Variants in PCBP3 observed in about 807,000 individuals in gnomAD.
The protein encoded by PCBP3 is poly(rC) binding protein 3, also known as poly(rC)-binding protein 3.
PCBP3 carries 25 observed loss-of-function variants against 52.7 expected under a neutral mutation model. That is an observed-to-expected ratio of 0.47 (90% CI 0.35 to 0.66). PCBP3 has a LOEUF of 0.66. Among genes scored for constraint, PCBP3 ranks in the 30% least tolerant of loss-of-function variants. The probability of loss-of-function intolerance (pLI) is 0.01; values close to 1 mark genes in which losing one functional copy is unlikely to be tolerated. For synonymous variants in PCBP3, 162 were observed against 183.0 expected, an observed-to-expected ratio of 0.89 and a Z score of 0.93; for missense variants, 391 against 490.3, an observed-to-expected ratio of 0.80 and a Z score of 1.91.
At chr21:45,906,915 G>A (rs1016492761) in intron 9 of PCBP3, among the ~76,000 whole-genome samples, 5 of 152,206 alleles carry the variant, frequency 3.3e-5, no homozygotes, top group Admixed American at 1.3e-4. Flanking sequence ...CTCCCAGGGT[G>A]TGGTGTACCT....
At chr21:45,892,088 G>A (rs1331300648) in intron 5 of PCBP3, among the ~76,000 whole-genome samples, 3 of 152,194 alleles carry the variant, frequency 2.0e-5, no homozygotes, top group African/African-American at 4.8e-5. Context: ...GTCCACCCTC[G>A]GGAGTAGGGA....
At chr21:45,825,754 A>G (rs2093289645) in intron 4 of PCBP3, among the ~76,000 whole-genome samples, 2 of 152,128 alleles carry the variant, frequency 1.3e-5, no homozygotes, top group African/African-American at 4.8e-5. Context: ...GGGGAGGGGA[A>G]GTTCTCTCAG....
chr21:45,828,348 T>G (rs749909151), intron 4 of PCBP3: 7 of 152,128 alleles, frequency 4.6e-5, no homozygotes, highest in Non-Finnish European at 8.8e-5. Flanking sequence ...ATGCCCAGAC[T>G]CTTAATACGG....
chr21:45,697,136 A>G (rs549637357), intron 2 of PCBP3, among the ~76,000 whole-genome samples: 77 of 152,350 alleles, frequency 5.1e-4, no homozygotes, highest in Admixed American at 1.0e-3. Flanking sequence ...TTCCTTCTGG[A>G]TATATGTGCA....
intron 4 of PCBP3, among the ~76,000 whole-genome samples, chr21:45,768,020 G>A (rs555746029): frequency 1.9e-4 from 29 of 152,382 alleles, no homozygotes; most frequent in African/African-American, 6.3e-4. Context: ...CACTACCCAC[G>A]TTGGCCACAG....
chr21:45,859,214 G>A (rs958081054), intron 5 of PCBP3, among the ~76,000 whole-genome samples: 6 of 152,194 alleles, frequency 3.9e-5, no homozygotes, highest in African/African-American at 1.4e-4. Context: ...CCGGCACTGT[G>A]CTGTGGTATC....
rs777599575 is a variant in PCBP3, at chr21:45,913,958, C to G, written c.608C>G (p.Pro203Arg). Residue 203 changes from proline to arginine, a missense_variant, in exon 12 of 18, where the codon CCG becomes CGG. Physicochemically the swap from Pro to Arg is moderately radical, Grantham distance 103. Coordinates refer to ENST00000681687, the MANE Select transcript of PCBP3 (RefSeq NM_001384156.1). ...TCCTGTCCCTTTTCCTAGTCCCCACCGAAAGGTGCCACCATTCCCTACCGC... is the reference window on the plus strand; with the variant it reads ...TCCTGTCCCTTTTCCTAGTCCCCACGGAAAGGTGCCACCATTCCCTACCGC... ...QICVVMLESP[P>R]KGATIPYRPK... 2 of 1,611,850 alleles carry G rather than the reference C, an allele frequency of 1.2e-6. No individual in the cohort carries two copies.
intron 9 of PCBP3, 147 bp from the exon 10 acceptor site, chr21:45,909,203 CCCTGG>C (rs907155153): frequency 9.1e-6 from 7 of 772,652 alleles, no homozygotes; most frequent in African/African-American, 5.3e-5. Flanking sequence ...TCCTGGTCCT[CCCTGG>C]CCTGGCCTGG....
intron 3 of PCBP3, among the ~76,000 whole-genome samples, chr21:45,746,974 C>T (rs1396751108): frequency 6.9e-6 from 1 of 145,542 alleles, no homozygotes; most frequent in Non-Finnish European, 1.5e-5. Flanking sequence ...ATCGCTGTGT[C>T]AGTCCATTGA....
At chr21:45,677,563 A>G (rs114102111) in intron 2 of PCBP3, among the ~76,000 whole-genome samples, 2,876 of 152,344 alleles carry the variant, frequency 0.019, 93 homozygotes, top group African/African-American at 0.066. Flanking sequence ...CAGATTTTCA[A>G]TGTAGACAAA....
intron 2 of PCBP3, among the ~76,000 whole-genome samples, chr21:45,728,448 A>G (rs2085218703): frequency 1.3e-5 from 2 of 152,196 alleles, no homozygotes; most frequent in Non-Finnish European, 1.5e-5. Context: ...CTTTATCTGC[A>G]TGTATTTATT....
At position 45,668,955 on chromosome 21, in the gene PCBP3, A is replaced by G. The variant is rs1223864384; in HGVS notation, c.-200+3A>G. On this transcript the variant is annotated splice_donor_region_variant and intron_variant, in intron 2 of 17. Coordinates refer to ENST00000681687, the MANE Select transcript of PCBP3 (RefSeq NM_001384156.1). ...AATGTAACTGCTATCCTCTGGAGGT[A>G]ATCTATTGCCATAAAGGATTTTCCA... The G allele has an allele frequency of 1.3e-5, 2 of 152,140 alleles. No homozygotes were observed. 9.4% of individuals were successfully genotyped at this position (152,140 alleles called of 1,614,324 possible). A position where few individuals can be genotyped will look rare whatever the true frequency, so the allele number is the denominator to read the frequency against.
rs138425161 is a variant in PCBP3, at chr21:45,773,472, G to A, written c.-126+18020G>A. Among the ~76,000 whole-genome samples the A allele has an allele frequency of 1.9e-4, 29 of 152,100 alleles. 1 individual carries two copies. Among genetic ancestry groups the A allele is most frequent in the African/African-American group, 6.8e-4 (28 of 41,468 alleles). On this transcript the variant is annotated intron_variant, in intron 4 of 17. Transcript: ENST00000681687. ...TGAACATTTTTTCACATACTTCTTGGCTGTTTGTGTGTCTTCTTTTAAGAA... is the reference window on the plus strand; with the variant it reads ...TGAACATTTTTTCACATACTTCTTGACTGTTTGTGTGTCTTCTTTTAAGAA...
chr21:45,789,560 A>G (rs556410089), intron 4 of PCBP3, among the ~76,000 whole-genome samples: 10 of 152,296 alleles, frequency 6.6e-5, no homozygotes, highest in East Asian at 1.9e-4. Context: ...ATGAGGAGCA[A>G]TCCGGGCAGA....
intron 3 of PCBP3, chr21:45,744,120 A>T (rs182642279): frequency 1.3e-5 from 2 of 150,904 alleles, no homozygotes; most frequent in East Asian, 1.9e-4. Flanking sequence ...TATATGTTTT[A>T]TATATATATA....
chr21:45,875,530 T>C (rs977822021), intron 5 of PCBP3, among the ~76,000 whole-genome samples: 1 of 152,196 alleles, frequency 6.6e-6, no homozygotes, highest in Admixed American at 6.5e-5. Flanking sequence ...GCAGAGTCAG[T>C]TGGGGCCACT....
chr21:45,892,475 G>GCA (rs200594177), intron 5 of PCBP3, among the ~76,000 whole-genome samples: 2 of 141,736 alleles, frequency 1.4e-5, no homozygotes, highest in Non-Finnish European at 3.1e-5. Flanking sequence ...GGGCGTGGGG[G>GCA]GGGGGGCGGT....
At chr21:45,726,049 G>A (rs1332600850) in intron 2 of PCBP3, among the ~76,000 whole-genome samples, 4 of 152,144 alleles carry the variant, frequency 2.6e-5, no homozygotes, top group South Asian at 4.1e-4. Context: ...TACGGAGGCT[G>A]CAGGTGCCCA....
At chr21:45,749,243 T>G (rs2087194359) in intron 3 of PCBP3, 1 of 152,068 alleles carries the variant, frequency 6.6e-6, no homozygotes, top group Admixed American at 6.5e-5. Flanking sequence ...TGCTATTAGA[T>G]TGTAAGAAGT....
Sources: allele counts gnomAD v4.1 joint callset (sites outside exome capture counted in the v4.1 genomes callset), GRCh38; gene constraint gnomAD v4.1.1; transcripts MANE v1.5; gene names NCBI Gene and HGNC (gene_info 2026-07-23, HGNC 2026-07-21).